GCFC2: variants seen among roughly 807,000 people sequenced by gnomAD.
GCFC2 encodes the protein intron Large complex component GCFC2.
In GCFC2, 102 loss-of-function variants were observed where a neutral mutation model predicts 99.4. The ratio of observed to expected loss-of-function variants is 1.03; its 90% CI spans 0.87 to 1.21. GCFC2 has a LOEUF of 1.21. Among genes scored for constraint, GCFC2 ranks in the 50% most tolerant of loss-of-function variants. The pLI, the probability that GCFC2 is intolerant of heterozygous loss-of-function variation, is 0.00. For synonymous variants in GCFC2, 338 were observed against 316.8 expected, an observed-to-expected ratio of 1.07 and a Z score of -0.71; for missense variants, 973 against 920.9, an observed-to-expected ratio of 1.06 and a Z score of -0.73.
chr2:75,710,779 G>T lies in GCFC2; in HGVS notation c.77C>A (p.Pro26His). The change falls in exon 1 of 17, where the codon CCT (proline) becomes CAT (histidine). Residue 26 changes from proline to histidine, a missense_variant. Coordinates refer to ENST00000321027, the MANE Select transcript of GCFC2 (RefSeq NM_003203.5). ...SSDSDGAEESPAEPGAPRELP... is the reference protein window; with the variant it reads ...SSDSDGAEESHAEPGAPRELP... Reference sequence around the variant, plus strand: ...TTCCCTCGGCGCCCCAGGCTCAGCAGGCGACTCCTCGGCGCCATCGCTGTC... The same window carrying T: ...TTCCCTCGGCGCCCCAGGCTCAGCATGCGACTCCTCGGCGCCATCGCTGTC... 6.3e-7 allele frequency: 1 copy of T among 1,575,364 alleles called. No individual in the cohort carries two copies.
chr2:75,703,211 G>C (rs375527497), intron 2 of GCFC2, among the ~76,000 whole-genome samples: 74 of 152,152 alleles, frequency 4.9e-4, no homozygotes, highest in African/African-American at 1.6e-3. Flanking sequence ...GGTTTCTTAA[G>C]AAAAATACTA....
At chr2:75,688,783 G>A (rs1252284885) in intron 10 of GCFC2, among the ~76,000 whole-genome samples, 2 of 146,762 alleles carry the variant, frequency 1.4e-5, no homozygotes, top group Non-Finnish European at 3.1e-5. Context: ...TAAATTTAAT[G>A]TACAAGAAGC....
Position 75,664,709 on chromosome 2 carries a change from T to C in GCFC2, c.2303A>G (p.Glu768Gly). 1 of 1,559,792 alleles carries C rather than the reference T, an allele frequency of 6.4e-7. No homozygotes were observed. The highest frequency in any genetic ancestry group is 8.8e-7 in the Non-Finnish European group (1 of 1,131,914). The change falls in exon 17 of 17, where the codon GAG becomes GGG. Residue 768 changes from glutamate (E) to glycine (G), a missense_variant. Physicochemically the swap from Glu to Gly is moderately conservative, Grantham distance 98. Coordinates refer to ENST00000321027, the MANE Select transcript of GCFC2 (RefSeq NM_003203.5). The part of the protein sequence containing the change: ...ALNQAESFIG[E>G]HHLDHLKSLI... Reference sequence around the variant, plus strand: ...TGATTTAAGATGGTCTAGGTGATGCTCTCCTATGAAGGATTCTGCTTGATT... The same window carrying C: ...TGATTTAAGATGGTCTAGGTGATGCCCTCCTATGAAGGATTCTGCTTGATT...
Position 75,680,179 on chromosome 2 carries a change from C to G in GCFC2, c.1812+14G>C, listed in dbSNP as rs1679508619. 1.9e-6 allele frequency: 3 copies of G among 1,588,572 alleles called. No homozygotes were observed. The highest frequency in any genetic ancestry group is 1.1e-5 in the South Asian group (1 of 89,718). On this transcript the variant is annotated intron_variant, in intron 12 of 16. Transcript: ENST00000321027. ...GAGATAGATCATGGAGTTCGCAACT[C>G]TAGAAATTATTACCTGTCTGCTTTT...
chr2:75,689,059 T>C lies in GCFC2; in HGVS notation c.1506A>G (p.Ile502Met), dbSNP rs1160002593. The C allele has an allele frequency of 4.4e-6, 7 of 1,590,286 alleles. No individual in the cohort carries two copies. The highest frequency in any genetic ancestry group is 1.1e-5 in the South Asian group (1 of 88,968). Residue 502 changes from isoleucine to methionine, a missense_variant, in exon 10 of 17, where the codon ATA becomes ATG. Physicochemically the swap from Ile to Met is conservative, Grantham distance 10. Coordinates refer to ENST00000321027, the MANE Select transcript of GCFC2 (RefSeq NM_003203.5). ...GATTCCAATCAATCAACTGAACTCG[T>C]ATTAGGGGATTTAAAAGCTTTGGTA... ...LCIPKLLNPL[I>M]RVQLIDWNPL... is the part of the protein sequence containing the mutation.
At chr2:75,711,422 G>T (rs560568782), upstream of GCFC2, among the ~76,000 whole-genome samples, 1 of 152,322 alleles carries the variant, frequency 6.6e-6, no homozygotes, top group African/African-American at 2.4e-5. Flanking sequence ...GGCTTCAAGA[G>T]AGCCTGGTTA....
At chr2:75,672,460 A>G (rs1679151395) in intron 13 of GCFC2, among the ~76,000 whole-genome samples, 1 of 151,854 alleles carries the variant, frequency 6.6e-6, no homozygotes, top group Non-Finnish European at 1.5e-5. Flanking sequence ...ACCAAGGCAG[A>G]ATTTTTACAT....
intron 2 of GCFC2, among the ~76,000 whole-genome samples, chr2:75,703,042 C>G (rs1680679678): frequency 6.6e-6 from 1 of 152,066 alleles, no homozygotes; most frequent in Non-Finnish European, 1.5e-5. Flanking sequence ...GGCTCATTTA[C>G]CAGGTGAAAA....
chr2:75,698,117 A>G (rs1317512648), intron 4 of GCFC2: 1 of 152,260 alleles, frequency 6.6e-6, no homozygotes, highest in Non-Finnish European at 1.5e-5. Flanking sequence ...ATGAAAATCA[A>G]ATAAGTGTGA....
Position 75,673,037 on chromosome 2 carries a change from G to A in GCFC2, c.1889+407C>T, listed in dbSNP as rs180861520. Among the ~76,000 whole-genome samples the A allele has an allele frequency of 5.4e-4, 82 of 152,312 alleles. No homozygotes were observed. The East Asian group carries it at 0.011, about 20-fold the overall frequency. The stretch of plus-strand genomic sequence containing the variant: ...TTGAAAACACTATAGTTGGCCGGGC[G>A]CGGTGGCTCACGCCTGTAATCCCAG... On this transcript the variant is annotated intron_variant, in intron 13 of 16. Coordinates refer to ENST00000321027, the MANE Select transcript of GCFC2 (RefSeq NM_003203.5).
chr2:75,673,171 G>A (rs181820794), intron 13 of GCFC2, among the ~76,000 whole-genome samples: 2,521 of 152,226 alleles, frequency 0.017, 27 homozygotes, highest in Non-Finnish European at 0.024. Flanking sequence ...TTAGCCGGGC[G>A]TGGTGGCGGG....
At chr2:75,675,932 T>C (rs1679318360) in intron 12 of GCFC2, among the ~76,000 whole-genome samples, 1 of 152,108 alleles carries the variant, frequency 6.6e-6, no homozygotes, top group African/African-American at 2.4e-5. Context: ...TTTGTGTATA[T>C]ATATATACTT....
rs564622694 is a variant in GCFC2 at position 75,669,590 on chromosome 2, T to G, written c.2103+548A>C. 7.9e-5 allele frequency among the ~76,000 whole-genome samples: 12 copies of G among 152,310 alleles called. No homozygotes were observed. In the East Asian group the frequency reaches 2.1e-3, roughly 27 times the overall value. On this transcript the variant is annotated intron_variant, in intron 15 of 16. Transcript: ENST00000321027. Reference sequence around the variant, plus strand: ...TGGTGTATAGTGAGAGGTGAGGACTTAACATTCTTTTTGTAAACAGCCAGC... The same window carrying G: ...TGGTGTATAGTGAGAGGTGAGGACTGAACATTCTTTTTGTAAACAGCCAGC...
intron 14 of GCFC2, among the ~76,000 whole-genome samples, chr2:75,671,701 C>G (rs1376659191): frequency 6.6e-6 from 1 of 152,072 alleles, no homozygotes; most frequent in East Asian, 1.9e-4. Flanking sequence ...TATTTTGTAC[C>G]ATGAGGAAAT....
At position 75,702,264 on chromosome 2, in the gene GCFC2, T is replaced by TG; in HGVS notation, c.553dup (p.His185ProfsTer2). 1 of 1,613,238 alleles carries TG rather than the reference T, an allele frequency of 6.2e-7. No individual in the cohort carries two copies. The highest frequency in any genetic ancestry group is 8.5e-7 in the Non-Finnish European group (1 of 1,179,136). On this transcript the variant is annotated frameshift_variant, in exon 3 of 17. Transcript: ENST00000321027. LOFTEE classifies it high-confidence loss of function. ...TAGAGTAAATGGTATTCTCTTTTCA[T>TG]GGTCATCAGGCTCACTCTCAGGGTC...
intron 6 of GCFC2, among the ~76,000 whole-genome samples, chr2:75,692,921 G>A (rs1680151076): frequency 6.6e-6 from 1 of 152,072 alleles, no homozygotes; most frequent in African/African-American, 2.4e-5. Context: ...ATATTTTGGG[G>A]AGCAACAATT....
Position 75,685,482 on chromosome 2 carries a change from T to C in GCFC2, c.1690+2345A>G, listed in dbSNP as rs73936787. Among the ~76,000 whole-genome samples, 1,058 of 152,278 alleles carry C rather than the reference T, an allele frequency of 6.9e-3. 8 individuals carry two copies. The highest frequency in any genetic ancestry group is 0.024 in the African/African-American group (1,011 of 41,572). ...GACTTATCATCAACAATTCCAACAG[T>C]TGACCCTTCTTTCTTCCTAGAAACA... On this transcript the variant is annotated intron_variant, in intron 11 of 16. Transcript: ENST00000321027.
intron 11 of GCFC2, among the ~76,000 whole-genome samples, chr2:75,683,771 CAAAAAAAAAAAAAAA>C (rs749580096): frequency 6.6e-5 from 4 of 60,424 alleles, no homozygotes; most frequent in Non-Finnish European, 1.2e-4. Context: ...AAATGGAAAG[CAAAAAAAAAAAAAAA>C]AAAAAAGAAA....
chr2:75,667,674 G>A (rs953367786), intron 15 of GCFC2, among the ~76,000 whole-genome samples: 4 of 152,166 alleles, frequency 2.6e-5, no homozygotes, highest in Non-Finnish European at 5.9e-5. Flanking sequence ...ACAAGTCTCA[G>A]TAAAATTCTC....
Sources: allele counts gnomAD v4.1 joint callset (sites outside exome capture counted in the v4.1 genomes callset), GRCh38; gene constraint gnomAD v4.1.1; transcripts MANE v1.5; gene names NCBI Gene and HGNC (gene_info 2026-07-23, HGNC 2026-07-21).